Variants in CHN1 observed in about 807,000 individuals in gnomAD.
The protein encoded by CHN1 is chimerin 1.
In CHN1, 37 loss-of-function variants were observed where a neutral mutation model predicts 59.5. The observed-to-expected ratio is 0.62, with a 90% CI of 0.48 to 0.82. The LOEUF (loss-of-function observed/expected upper bound fraction) is 0.82, where lower values mean the gene tolerates loss of function less well. CHN1 is among the 40% of genes least tolerant of loss of function. CHN1 has a pLI of 0.00. For missense variants in CHN1, 469 were observed against 571.0 expected, an observed-to-expected ratio of 0.82 and a Z score of 1.82; for synonymous variants, 206 against 200.4, an observed-to-expected ratio of 1.03 and a Z score of -0.24.
rs1172537639 is a variant in CHN1, at chr2:174,837,145, A to G, written c.627+9735T>C. On this transcript the variant is annotated intron_variant, in intron 7 of 12. Coordinates refer to ENST00000409900, the MANE Select transcript of CHN1 (RefSeq NM_001822.7). ...AAATAGTAAATATATTCATGGTAAC[A>G]GATTAAGAAAAACACACTGAAGTAA... 3 of 152,242 alleles carry G rather than the reference A, an allele frequency of 2.0e-5. No homozygotes were observed. The East Asian group carries it at 5.8e-4, about 29-fold the overall frequency. The allele number at this position is 152,242 out of a possible 1,614,324, so 9.4% of individuals were successfully genotyped here.
At chr2:174,814,681 TAGAAAAATGAAATAACACTTTGAA>T (rs1226756656) in intron 8 of CHN1, among the ~76,000 whole-genome samples, 3 of 152,238 alleles carry the variant, frequency 2.0e-5, no homozygotes, top group Non-Finnish European at 4.4e-5. Context: ...TGTTGTTATT[TAGAAAAATGAAATAACACTTTGAA>T]AGGCCTTTTC....
rs564747037 is a variant in CHN1, at chr2:174,972,021, C to T, written c.20-19819G>A. ...ACTTCAAGTGCAGTCCACAAGGGCC[C>T]GACAACTATCACTAGGCTAAACAAT... On this transcript the variant is annotated intron_variant, in intron 1 of 12. Coordinates refer to ENST00000409900, the MANE Select transcript of CHN1 (RefSeq NM_001822.7). 1.2e-3 allele frequency among the ~76,000 whole-genome samples: 176 copies of T among 152,226 alleles called. 1 individual carries two copies. The highest frequency in any genetic ancestry group is 3.7e-3 in the African/African-American group (152 of 41,534).
intron 5 of CHN1, among the ~76,000 whole-genome samples, chr2:174,885,148 G>A (rs566574821): frequency 6.6e-4 from 99 of 150,780 alleles, no homozygotes; most frequent in African/African-American, 1.9e-3. Flanking sequence ...TCAGCCAGGC[G>A]CCCGTAGTCC....
chr2:174,913,056 T>G (rs1180771263), intron 5 of CHN1, among the ~76,000 whole-genome samples: 1 of 152,200 alleles, frequency 6.6e-6, no homozygotes, highest in Admixed American at 6.5e-5. Context: ...TATGAAGGTC[T>G]GGGTGCTACT....
At chr2:174,823,255 G>C (rs1685561372) in intron 8 of CHN1, among the ~76,000 whole-genome samples, 1 of 152,184 alleles carries the variant, frequency 6.6e-6, no homozygotes, top group Admixed American at 6.5e-5. Context: ...CATGCTAAAA[G>C]ACATGTAAGA....
At chr2:174,817,016 C>T (rs1304737271) in intron 8 of CHN1, among the ~76,000 whole-genome samples, 2 of 152,062 alleles carry the variant, frequency 1.3e-5, no homozygotes, top group Non-Finnish European at 2.9e-5. Context: ...CCAGAAAGTG[C>T]TAGAACTGAC....
At chr2:174,931,784 T>C (rs147213435) in intron 3 of CHN1, among the ~76,000 whole-genome samples, 351 of 152,192 alleles carry the variant, frequency 2.3e-3, no homozygotes, top group African/African-American at 8.0e-3. Context: ...CTGGGAAGAT[T>C]TGAAGCATAT....
chr2:174,847,653 C>A, intron 6 of CHN1: 1 of 1,321,166 alleles, frequency 7.6e-7, no homozygotes, highest in African/African-American at 1.5e-5. Flanking sequence ...GATTGGCCAC[C>A]GTAAGAAAGG....
chr2:174,837,549 C>T (rs1686130479), intron 7 of CHN1, among the ~76,000 whole-genome samples: 1 of 152,132 alleles, frequency 6.6e-6, no homozygotes, highest in South Asian at 2.1e-4. Context: ...TCTATTTTTG[C>T]TCCCCAAAGA....
At position 175,005,339 on chromosome 2, in the gene CHN1, T is replaced by A; in HGVS notation, c.-427A>T. On this transcript the variant is annotated 5_prime_UTR_variant, in exon 1 of 13. An upstream start codon of the reference 5' UTR is lost. Coordinates refer to ENST00000409900, the MANE Select transcript of CHN1 (RefSeq NM_001822.7). ...CCCGGCGGGGCGCGCTCACTCCGCATCCCGCGGCCTCGCAGACGCCATCTT... is the reference window on the plus strand; with the variant it reads ...CCCGGCGGGGCGCGCTCACTCCGCAACCCGCGGCCTCGCAGACGCCATCTT... 1 of 1,155,490 alleles carries A rather than the reference T, an allele frequency of 8.7e-7. No individual in the cohort carries two copies. 71.6% of individuals were successfully genotyped at this position (1,155,490 alleles called of 1,614,324 possible).
At chr2:175,003,208 T>A (rs1241833105) in intron 1 of CHN1, among the ~76,000 whole-genome samples, 3 of 152,258 alleles carry the variant, frequency 2.0e-5, no homozygotes, top group Non-Finnish European at 4.4e-5. Context: ...AAGAGTGCTT[T>A]GTTTTATAAC....
Position 174,841,350 on chromosome 2 carries a change from T to C in CHN1, c.627+5530A>G, listed in dbSNP as rs750014935. ...TCTGTGGTCCTCCTCACCAGCAGCATTGGCAGAAGTGGAAAGCAGAGCAGT... is the reference window on the plus strand; with the variant it reads ...TCTGTGGTCCTCCTCACCAGCAGCACTGGCAGAAGTGGAAAGCAGAGCAGT... On this transcript the variant is annotated intron_variant, in intron 7 of 12. Coordinates refer to ENST00000409900, the MANE Select transcript of CHN1 (RefSeq NM_001822.7). Among the ~76,000 whole-genome samples, 4 of 152,236 alleles carry C rather than the reference T, an allele frequency of 2.6e-5. No individual in the cohort carries two copies. In the East Asian group the frequency reaches 5.8e-4, roughly 22 times the overall value.
At chr2:174,973,043 C>T (rs925961066) in intron 1 of CHN1, among the ~76,000 whole-genome samples, 7 of 151,928 alleles carry the variant, frequency 4.6e-5, no homozygotes, top group South Asian at 2.1e-4. Context: ...CCAGGATCAC[C>T]CTAACACTAT....
At chr2:174,894,687 T>C (rs74806339) in intron 5 of CHN1, among the ~76,000 whole-genome samples, 5,372 of 152,196 alleles carry the variant, frequency 0.035, 126 homozygotes, top group Admixed American at 0.054. Flanking sequence ...CGCTGCAGCA[T>C]TGTTCACAAT....
intron 6 of CHN1, among the ~76,000 whole-genome samples, chr2:174,872,483 C>T (rs1687439419): frequency 6.6e-6 from 1 of 152,100 alleles, no homozygotes; most frequent in South Asian, 2.1e-4. Flanking sequence ...CTTGACTTGT[C>T]TTACATTCAG....
At position 174,915,140 on chromosome 2, in the gene CHN1, C is replaced by A. The variant is rs557351535; in HGVS notation, c.178G>T (p.Asp60Tyr). The change falls in exon 5 of 13, where the codon GAC (aspartate) becomes TAC (tyrosine). Residue 60 changes from aspartate to tyrosine, a missense_variant. Transcript: ENST00000409900. The stretch of plus-strand genomic sequence containing the variant: ...CCCTCAGCCACAATCAAGAGCTGGT[C>A]GGCTGCTTCTCTGGAGATCATGCCA... ...FHGMISREAA[D>Y]QLLIVAEGSY... 2 of 1,611,394 alleles carry A rather than the reference C, an allele frequency of 1.2e-6. No individual in the cohort carries two copies. Among genetic ancestry groups the A allele is most frequent in the Admixed American group, 1.7e-5 (1 of 59,748 alleles).
At chr2:174,957,692 A>T (rs914251355) in intron 1 of CHN1, among the ~76,000 whole-genome samples, 1 of 152,140 alleles carries the variant, frequency 6.6e-6, no homozygotes, top group Non-Finnish European at 1.5e-5. Flanking sequence ...CCAAACCATA[A>T]GAGGTGGTGA....
chr2:174,910,199 T>C (rs571146088), intron 5 of CHN1, among the ~76,000 whole-genome samples: 8 of 152,330 alleles, frequency 5.3e-5, no homozygotes, highest in African/African-American at 9.6e-5. Context: ...TTTTCTTCTA[T>C]AGTTTTAGTG....
At chr2:174,918,279 T>C (rs1688908704) in intron 4 of CHN1, among the ~76,000 whole-genome samples, 1 of 152,196 alleles carries the variant, frequency 6.6e-6, no homozygotes, top group Non-Finnish European at 1.5e-5. Context: ...CTCATATACA[T>C]CTAAGATTAC....
Sources: gnomAD v4.1 joint callset for allele counts (sites outside exome capture counted in the v4.1 genomes callset) on GRCh38, gnomAD v4.1.1 for gene constraint, MANE v1.5 for transcripts, NCBI Gene and HGNC (gene_info 2026-07-23, HGNC 2026-07-21) for gene names.